Variants in FAM171A1 observed in about 807,000 individuals in gnomAD.
The protein encoded by FAM171A1 is protein FAM171A1.
A neutral mutation model predicts 74.9 loss-of-function variants in FAM171A1; 23 were observed. The observed-to-expected ratio is 0.31, with a 90% confidence interval of 0.22 to 0.44. The LOEUF is 0.44. Among genes scored for constraint, FAM171A1 ranks in the 20% least tolerant of loss-of-function variants. The pLI, the probability that FAM171A1 is intolerant of heterozygous loss-of-function variation, is 1.00. For missense variants in FAM171A1, 1,162 were observed against 1,159.2 expected (o/e 1.00, Z -0.03); for synonymous variants, 527 against 505.7 (o/e 1.04, Z -0.57).
In FAM171A1 at chr10:15,212,852, C is replaced by T. The variant is rs1486255169; in HGVS notation, c.*63G>A. ...TCCGTTTCCTCCACGAACGGGTACGCGCTTCCATGAGAAAGGATATTTGGC... is the reference window on the plus strand; with the variant it reads ...TCCGTTTCCTCCACGAACGGGTACGTGCTTCCATGAGAAAGGATATTTGGC... On this transcript the variant is annotated 3_prime_UTR_variant, in exon 8 of 8. Transcript: ENST00000378116. The T allele has an allele frequency of 3.1e-6, 5 of 1,589,168 alleles. No homozygotes were observed. Among genetic ancestry groups the T allele is most frequent in the Admixed American group, 3.5e-5 (2 of 56,610 alleles).
intron 3 of FAM171A1, among the ~76,000 whole-genome samples, chr10:15,265,352 G>T (rs1266746573): frequency 6.6e-6 from 1 of 151,882 alleles, no homozygotes; most frequent in Non-Finnish European, 1.5e-5. Flanking sequence ...GGCTGCCTAT[G>T]CCTGTAATCC....
intron 1 of FAM171A1, among the ~76,000 whole-genome samples, chr10:15,324,674 A>T (rs1054766834): frequency 6.6e-6 from 1 of 152,120 alleles, no homozygotes; most frequent in African/African-American, 2.4e-5. Context: ...TCCTACTGAC[A>T]ATCTTAAAAT....
At chr10:15,310,221 A>C (rs1835344338) in intron 1 of FAM171A1, among the ~76,000 whole-genome samples, 1 of 152,186 alleles carries the variant, frequency 6.6e-6, no homozygotes, top group Admixed American at 6.5e-5. Context: ...GAGGAACGAA[A>C]AATTTTTTAA....
upstream of FAM171A1, among the ~76,000 whole-genome samples, chr10:15,371,811 T>G (rs1008537841): frequency 6.6e-6 from 1 of 152,102 alleles, no homozygotes; most frequent in Non-Finnish European, 1.5e-5. Flanking sequence ...AAAAAGACTA[T>G]TCCATGACAC....
chr10:15,366,286 C>T (rs1045684506), intron 1 of FAM171A1, among the ~76,000 whole-genome samples: 7 of 151,898 alleles, frequency 4.6e-5, no homozygotes, highest in Admixed American at 6.6e-5. Flanking sequence ...TGCTTGGCTA[C>T]GTTTTGTATT....
rs746596160 is a variant in FAM171A1 at position 15,275,938 on chromosome 10, G to C, written c.335C>G (p.Ser112Cys). 1.2e-6 allele frequency: 2 copies of C among 1,610,106 alleles called. No homozygotes were observed. The highest frequency in any genetic ancestry group is 2.2e-5 in the South Asian group (2 of 90,358). Residue 112 changes from serine (S) to cysteine (C), a missense_variant, in exon 3 of 8, where the codon TCT becomes TGT. By Grantham distance (112) the Ser-to-Cys change is moderately radical (BLOSUM62 -1). Transcript: ENST00000378116. ...WKPIRLPVFS[S>C]LSLGLLPERS... ...TTCTGGAAGCAGGCCAAGGCTCAGA[G>C]AGGAAAATACTGCAGGAAAAAGAAA...
At chr10:15,245,007 GT>G (rs1056620117) in intron 5 of FAM171A1, among the ~76,000 whole-genome samples, 15 of 152,120 alleles carry the variant, frequency 9.9e-5, no homozygotes, top group African/African-American at 3.4e-4. Context: ...GACTGGGGAG[GT>G]ATTTTGTTTA....
chr10:15,345,360 A>G (rs1835806917), intron 1 of FAM171A1, among the ~76,000 whole-genome samples: 1 of 152,216 alleles, frequency 6.6e-6, no homozygotes, highest in African/African-American at 2.4e-5. Flanking sequence ...GTGCCGTTCC[A>G]TAAATATTTT....
chr10:15,338,514 T>C (rs1028666895), intron 1 of FAM171A1, among the ~76,000 whole-genome samples: 3 of 152,204 alleles, frequency 2.0e-5, no homozygotes, highest in Admixed American at 2.0e-4. Context: ...AAATTCATGA[T>C]ACAGACCTAG....
At chr10:15,319,609 A>G (rs933210966) in intron 1 of FAM171A1, among the ~76,000 whole-genome samples, 3 of 151,956 alleles carry the variant, frequency 2.0e-5, no homozygotes, top group Non-Finnish European at 2.9e-5. Context: ...ATTTTTGTCT[A>G]TTTTGTAGAG....
chr10:15,293,311 T>G (rs1835123825), intron 1 of FAM171A1, among the ~76,000 whole-genome samples: 1 of 152,178 alleles, frequency 6.6e-6, no homozygotes, highest in Non-Finnish European at 1.5e-5. Context: ...AAATAGATAA[T>G]ATAGAGATCT....
intron 1 of FAM171A1, among the ~76,000 whole-genome samples, chr10:15,294,735 G>A (rs921241814): frequency 6.6e-6 from 1 of 152,172 alleles, no homozygotes; most frequent in African/African-American, 2.4e-5. Flanking sequence ...ATGCGACAAG[G>A]CTGTTTCCAA....
chr10:15,216,268 A>C (rs575369709), intron 6 of FAM171A1, among the ~76,000 whole-genome samples, 158 bp from the exon 7 acceptor site: 1 of 152,302 alleles, frequency 6.6e-6, no homozygotes, highest in Admixed American at 6.5e-5. Flanking sequence ...TTGGGGTACC[A>C]CCAGCATTGC....
At chr10:15,226,797 A>G (rs1424312485) in intron 5 of FAM171A1, among the ~76,000 whole-genome samples, 1 of 151,816 alleles carries the variant, frequency 6.6e-6, no homozygotes, top group Non-Finnish European at 1.5e-5. Flanking sequence ...CCCTACCCTC[A>G]TGTTTATTTC....
intron 4 of FAM171A1, among the ~76,000 whole-genome samples, chr10:15,250,200 A>G (rs1237486827): frequency 6.6e-6 from 1 of 152,210 alleles, no homozygotes; most frequent in Non-Finnish European, 1.5e-5. Flanking sequence ...TAATGAAGGC[A>G]AAGGTGTGGG....
Position 15,214,427 on chromosome 10 carries a change from G to T in FAM171A1, c.1161C>A (p.Ala387=). The T allele has an allele frequency of 2.5e-6, 4 of 1,614,128 alleles. No homozygotes were observed. Among genetic ancestry groups the T allele is most frequent in the African/African-American group, 2.7e-5 (2 of 75,028 alleles). The part of the protein sequence containing the change: ...LSVTSHGRPE[A]PGTKELMSGV... ...CACTCATCAGTTCCTTCGTGCCGGG[G>T]GCCTCGGGGCGGCCGTGGCTGGTGA... Residue 387 remains alanine, a synonymous_variant, in exon 8 of 8, where the codon GCC becomes GCA. Transcript: ENST00000378116.
At chr10:15,343,486 T>C (rs993055666) in intron 1 of FAM171A1, among the ~76,000 whole-genome samples, 1 of 152,220 alleles carries the variant, frequency 6.6e-6, no homozygotes, top group Non-Finnish European at 1.5e-5. Flanking sequence ...TATTTTCTGA[T>C]TAAATAGCAA....
chr10:15,277,303 C>T (rs1031200451), intron 2 of FAM171A1, among the ~76,000 whole-genome samples: 12 of 151,866 alleles, frequency 7.9e-5, no homozygotes, highest in Non-Finnish European at 1.0e-4. Flanking sequence ...CTGCAACCTC[C>T]GCCTCGCAGG....
At position 15,275,947 on chromosome 10, in the gene FAM171A1, A is replaced by G. The variant is rs190870984; in HGVS notation, c.326T>C (p.Val109Ala). Residue 109 changes from valine (V) to alanine (A), a missense_variant and splice_region_variant, in exon 3 of 8, where the codon GTA (valine) becomes GCA (alanine). Coordinates refer to ENST00000378116, the MANE Select transcript of FAM171A1 (RefSeq NM_001010924.2). Reference sequence around the variant, plus strand: ...CAGGCCAAGGCTCAGAGAGGAAAATACTGCAGGAAAAAGAAATGGATAGAA... The same window carrying G: ...CAGGCCAAGGCTCAGAGAGGAAAATGCTGCAGGAAAAAGAAATGGATAGAA... Reference protein sequence around the residue: ...SAPWKPIRLPVFSSLSLGLLP... With the variant: ...SAPWKPIRLPAFSSLSLGLLP... 1 of 1,604,790 alleles carries G rather than the reference A, an allele frequency of 6.2e-7. No individual in the cohort carries two copies. The highest frequency in any genetic ancestry group is 2.2e-5 in the East Asian group (1 of 44,772).
Sources: allele counts gnomAD v4.1 joint callset (sites outside exome capture counted in the v4.1 genomes callset), GRCh38; gene constraint gnomAD v4.1.1; transcripts MANE v1.5; gene names NCBI Gene and HGNC (gene_info 2026-07-23, HGNC 2026-07-21).